The following GRIN2B variants were observed in gnomAD, a reference collection of about 807,000 sequenced individuals.
The protein encoded by GRIN2B is glutamate receptor ionotropic, NMDA 2B.
GRIN2B carries 5 observed loss-of-function variants against 114.5 expected under a neutral mutation model. The ratio of observed to expected loss-of-function variants is 0.04; its 90% confidence interval spans 0.02 to 0.09. The LOEUF (loss-of-function observed/expected upper bound fraction) is 0.09, where lower values mean the gene tolerates loss of function less well. Ranked by LOEUF, GRIN2B falls within the 10% of genes least tolerant of loss-of-function variation. The pLI, the probability that GRIN2B is intolerant of heterozygous loss-of-function variation, is 1.00. For synonymous variants in GRIN2B, 787 were observed against 745.1 expected, an observed-to-expected ratio of 1.06 and a Z score of -0.92; for missense variants, 1,108 against 1,943.5, an observed-to-expected ratio of 0.57 and a Z score of 8.08.
chr12:13,610,143 A>G (rs1949348257), intron 9 of GRIN2B: 1 of 152,206 alleles, frequency 6.6e-6, no homozygotes, highest in Non-Finnish European at 1.5e-5. Context: ...CCTGATATGT[A>G]ACTGTGCACA....
At chr12:13,598,252 A>G (rs1488247050) in intron 10 of GRIN2B, among the ~76,000 whole-genome samples, 1 of 152,172 alleles carries the variant, frequency 6.6e-6, no homozygotes, top group Non-Finnish European at 1.5e-5. Flanking sequence ...TTTCCACTGG[A>G]CAGCACCCCT....
At chr12:13,922,810 T>C (rs1277124099) in intron 2 of GRIN2B, among the ~76,000 whole-genome samples, 1 of 152,056 alleles carries the variant, frequency 6.6e-6, no homozygotes, top group African/African-American at 2.4e-5. Flanking sequence ...GTGGATAAAA[T>C]CTCCATGGAA....
intron 2 of GRIN2B, among the ~76,000 whole-genome samples, chr12:13,976,585 T>G (rs1863024461): frequency 6.6e-6 from 1 of 152,198 alleles, no homozygotes; most frequent in Non-Finnish European, 1.5e-5. Flanking sequence ...AACCCTGGCT[T>G]TTTTCTCTTC....
chr12:13,897,911 C>T (rs1282308735), intron 2 of GRIN2B, among the ~76,000 whole-genome samples: 11 of 151,630 alleles, frequency 7.3e-5, no homozygotes. Context: ...ATCTTAATAA[C>T]TTGGTCCTTA....
chr12:13,838,727 C>A (rs1353759983), intron 3 of GRIN2B, among the ~76,000 whole-genome samples: 1 of 152,166 alleles, frequency 6.6e-6, no homozygotes, highest in Non-Finnish European at 1.5e-5. Context: ...GGCCTGGAAG[C>A]AATCTAATAG....
intron 3 of GRIN2B, among the ~76,000 whole-genome samples, chr12:13,830,593 T>C (rs1328409135): frequency 6.6e-6 from 1 of 152,214 alleles, no homozygotes; most frequent in African/African-American, 2.4e-5. Flanking sequence ...AGGCCAAATG[T>C]ATCTGTGTAT....
chr12:13,861,897 T>C (rs537134595), intron 3 of GRIN2B, among the ~76,000 whole-genome samples: 25 of 152,254 alleles, frequency 1.6e-4, no homozygotes, highest in Non-Finnish European at 3.1e-4. Flanking sequence ...ACCTGCTGAA[T>C]GTTAGGCTGG....
rs555521655 is a variant in GRIN2B at position 13,573,364 on chromosome 12, T to C, written c.2011-1400A>G. Among the ~76,000 whole-genome samples, 20 of 149,044 alleles carry C rather than the reference T, an allele frequency of 1.3e-4. 2 individuals carry two copies. The highest frequency in any genetic ancestry group is 4.8e-4 in the African/African-American group (19 of 39,944). Reference sequence around the variant, plus strand: ...TACTCCGGAGGCTGAGGCAGGAGAATGGCATGAACCCAGGAGGCAGAGCAG... The same window carrying C: ...TACTCCGGAGGCTGAGGCAGGAGAACGGCATGAACCCAGGAGGCAGAGCAG... On this transcript the variant is annotated intron_variant, in intron 10 of 13. Coordinates refer to ENST00000609686, the MANE Select transcript of GRIN2B (RefSeq NM_000834.5).
At chr12:13,849,181 G>C (rs866463813) in intron 3 of GRIN2B, among the ~76,000 whole-genome samples, 3 of 152,146 alleles carry the variant, frequency 2.0e-5, no homozygotes, top group Non-Finnish European at 4.4e-5. Context: ...TGGCAGGCAA[G>C]CAGGCAAGCA....
intron 3 of GRIN2B, among the ~76,000 whole-genome samples, chr12:13,795,099 T>C (rs1236420858): frequency 6.6e-6 from 1 of 152,202 alleles, no homozygotes; most frequent in Non-Finnish European, 1.5e-5. Context: ...ATGACTAGGA[T>C]ACATAATCAT....
chr12:13,712,469 G>A (rs186224013), intron 4 of GRIN2B, among the ~76,000 whole-genome samples: 2 of 151,846 alleles, frequency 1.3e-5, no homozygotes, highest in South Asian at 2.1e-4. Flanking sequence ...AACAGTGGTC[G>A]CCTTTGTGTA....
chr12:13,759,602 T>G (rs912137781), intron 3 of GRIN2B, among the ~76,000 whole-genome samples: 1 of 152,186 alleles, frequency 6.6e-6, no homozygotes, highest in Non-Finnish European at 1.5e-5. Flanking sequence ...GGCAGGTGAC[T>G]TTGATATTGA....
At chr12:13,869,394 C>A (rs1865873198) in intron 2 of GRIN2B, among the ~76,000 whole-genome samples, 1 of 151,868 alleles carries the variant, frequency 6.6e-6, no homozygotes, top group South Asian at 2.1e-4. Flanking sequence ...GCCTCATATG[C>A]AATAAGGAAG....
intron 5 of GRIN2B, among the ~76,000 whole-genome samples, chr12:13,626,749 A>T (rs1017706768): frequency 6.0e-5 from 9 of 149,322 alleles, no homozygotes; most frequent in African/African-American, 2.2e-4. Context: ...TGTGTTGTAG[A>T]TGGCTACTGT....
intron 10 of GRIN2B, among the ~76,000 whole-genome samples, chr12:13,577,875 T>G (rs1292050183): frequency 6.6e-6 from 1 of 152,178 alleles, no homozygotes; most frequent in Non-Finnish European, 1.5e-5. Context: ...ATTCATTCAG[T>G]TTTTCATCCA....
At chr12:13,773,977 T>C (rs117910572) in intron 3 of GRIN2B, among the ~76,000 whole-genome samples, 3 of 151,932 alleles carry the variant, frequency 2.0e-5, no homozygotes, top group Non-Finnish European at 4.4e-5. Context: ...ACCAGAAAAA[T>C]AAGTATAACA....
intron 10 of GRIN2B, among the ~76,000 whole-genome samples, chr12:13,572,723 T>C (rs1948722188): frequency 6.6e-6 from 1 of 152,228 alleles, no homozygotes; most frequent in Non-Finnish European, 1.5e-5. Context: ...AACACAAAAT[T>C]TGTTCATTTG....
chr12:13,605,554 C>CTCTCTCTCTG (rs1404110204), intron 10 of GRIN2B, among the ~76,000 whole-genome samples: 16 of 147,332 alleles, frequency 1.1e-4, no homozygotes, highest in South Asian at 8.8e-4. Flanking sequence ...CTCTCTCTGA[C>CTCTCTCTCTG]ACACACACAC....
At position 13,559,466 on chromosome 12, in the gene GRIN2B, CA is replaced by C. The variant is rs1367338896; in HGVS notation, c.*3316del. On this transcript the variant is annotated 3_prime_UTR_variant, in exon 14 of 14. Transcript: ENST00000609686. ...GGTTAACCCAAGGCCAGATTATGAA[CA>C]CCTGGCTCGAGGCCAGTAGCACCTT... The C allele has an allele frequency of 6.6e-6, 1 of 152,192 alleles. No individual in the cohort carries two copies. Among genetic ancestry groups the C allele is most frequent in the Non-Finnish European group, 1.5e-5 (1 of 68,050 alleles). The allele number at this position is 152,192 out of a possible 1,614,324, so 9.4% of individuals were successfully genotyped here.
Sources: gnomAD v4.1 joint callset for allele counts (sites outside exome capture counted in the v4.1 genomes callset) on GRCh38, gnomAD v4.1.1 for gene constraint, MANE v1.5 for transcripts, NCBI Gene and HGNC (gene_info 2026-07-23, HGNC 2026-07-21) for gene names.